ZNF695: variants seen among roughly 807,000 people sequenced by gnomAD.
ZNF695 encodes the protein zinc finger protein 695.
Under a neutral mutation model 11.2 loss-of-function variants are expected in ZNF695, and 11 were observed. That is an observed-to-expected ratio of 0.98 (90% confidence interval 0.62 to 1.62). ZNF695 has a LOEUF of 1.62. Ranked by LOEUF, ZNF695 falls within the 40% of genes most tolerant of loss-of-function variation. The pLI is 0.00. For missense variants in ZNF695, 559 were observed against 590.5 expected, an observed-to-expected ratio of 0.95 and a Z score of 0.55; for synonymous variants, 190 against 201.4, an observed-to-expected ratio of 0.94 and a Z score of 0.48.
intron 5 of ZNF695, among the ~76,000 whole-genome samples, chr1:246,955,616 A>C (rs1224825672): frequency 6.6e-6 from 1 of 152,208 alleles, no homozygotes; most frequent in African/African-American, 2.4e-5. Context: ...AATTAATTTT[A>C]ATCTAAATCC....
chr1:246,970,611 T>C (rs1417901053), intron 4 of ZNF695, among the ~76,000 whole-genome samples: 2 of 152,210 alleles, frequency 1.3e-5, no homozygotes, highest in Non-Finnish European at 2.9e-5. Flanking sequence ...GAACAATTAA[T>C]TGACGGGAAT....
At chr1:246,972,703 A>G (rs1668457238) in intron 4 of ZNF695, among the ~76,000 whole-genome samples, 1 of 151,954 alleles carries the variant, frequency 6.6e-6, no homozygotes, top group African/African-American at 2.4e-5. Flanking sequence ...TATTTTTAGT[A>G]GAGACAGGGT....
At position 246,988,178 on chromosome 1, in the gene ZNF695, T is replaced by C; in HGVS notation, c.337A>G (p.Arg113Gly). The change falls in exon 4 of 4, where the codon AGA (arginine) becomes GGA (glycine). Residue 113 changes from arginine to glycine, a missense_variant. Transcript: ENST00000339986. ...TTCTCAAGACAACATCTTTCATATC[T>C]TCTCAGCATCACTTTTTGGAATGAA... ...QVSFQKVMLR[R>G]YERCCLEKLR... 1 of 1,610,188 alleles carries C rather than the reference T, an allele frequency of 6.2e-7. No individual in the cohort carries two copies. Among genetic ancestry groups the C allele is most frequent in the Non-Finnish European group, 8.5e-7 (1 of 1,178,784 alleles).
intron 5 of ZNF695, among the ~76,000 whole-genome samples, chr1:246,959,310 A>AAATATATAT (rs1558304450): frequency 2.0e-5 from 1 of 51,254 alleles, no homozygotes; most frequent in Non-Finnish European, 3.2e-5. Flanking sequence ...AAAAAAAAAA[A>AAATATATAT]ATATATATAT....
At chr1:246,950,615 C>A (rs1326388454) in intron 5 of ZNF695, among the ~76,000 whole-genome samples, 1 of 135,564 alleles carries the variant, frequency 7.4e-6, no homozygotes, top group African/African-American at 2.8e-5. Context: ...TTCGTCACTG[C>A]ACTCCAGCCA....
Position 246,986,058 on chromosome 1 carries a change from C to T in ZNF695, c.*909G>A. The T allele has an allele frequency of 1.0e-6, 1 of 979,642 alleles. No homozygotes were observed. Among genetic ancestry groups the T allele is most frequent in the Non-Finnish European group, 1.2e-6 (1 of 824,720 alleles). The allele number at this position is 979,642 out of a possible 1,614,324, so 60.7% of individuals were successfully genotyped here. On this transcript the variant is annotated 3_prime_UTR_variant, in exon 4 of 4. Coordinates refer to ENST00000339986, the MANE Select transcript of ZNF695 (RefSeq NM_020394.5). ...AAACTCTTTCAGTGCACCGAGTATA[C>T]TTTATTATTATGTTGTTATTATTAT...
intron 4 of ZNF695, among the ~76,000 whole-genome samples, chr1:246,978,841 C>T (rs1668632310): frequency 9.7e-6 from 1 of 102,646 alleles, no homozygotes; most frequent in East Asian, 2.4e-3. Flanking sequence ...TCCAAAGCTG[C>T]TTGTCGGGGA....
At chr1:246,956,051 T>C (rs1002836250) in intron 5 of ZNF695, among the ~76,000 whole-genome samples, 34 of 150,672 alleles carry the variant, frequency 2.3e-4, no homozygotes, top group African/African-American at 7.8e-4. Flanking sequence ...TACAGTGGCA[T>C]GATCTCGGCT....
At chr1:246,974,053 A>C (rs1668493503) in intron 4 of ZNF695, among the ~76,000 whole-genome samples, 1 of 152,048 alleles carries the variant, frequency 6.6e-6, no homozygotes, top group Non-Finnish European at 1.5e-5. Context: ...ATTTTTTCAT[A>C]AGCAGATGTG....
intron 3 of ZNF695, among the ~76,000 whole-genome samples, chr1:246,993,943 G>A (rs554478462): frequency 4.1e-4 from 63 of 152,272 alleles, no homozygotes; most frequent in African/African-American, 1.4e-3. Flanking sequence ...GGAGGCCAAC[G>A]TGGGCGGATC....
chr1:247,005,385 G>A (rs1669502184), intron 1 of ZNF695, among the ~76,000 whole-genome samples: 1 of 152,244 alleles, frequency 6.6e-6, no homozygotes, highest in South Asian at 2.1e-4. Context: ...ATATTCATAT[G>A]CAGAAGAATA....
intron 4 of ZNF695, among the ~76,000 whole-genome samples, chr1:246,972,175 C>T (rs192724431): frequency 6.6e-6 from 1 of 152,326 alleles, no homozygotes; most frequent in African/African-American, 2.4e-5. Context: ...CACTGACTGC[C>T]GACTGAAGGC....
chr1:246,997,034 A>T (rs1669233060), intron 3 of ZNF695, among the ~76,000 whole-genome samples: 1 of 152,190 alleles, frequency 6.6e-6, no homozygotes, highest in African/African-American at 2.4e-5. Context: ...CTTGAAGTGT[A>T]CAGAACTGAA....
At chr1:246,972,931 G>GTATA (rs57441901) in intron 4 of ZNF695, among the ~76,000 whole-genome samples, 2,986 of 145,114 alleles carry the variant, frequency 0.021, 56 homozygotes, top group African/African-American at 0.046. Flanking sequence ...TTTTTAATGT[G>GTATA]TATATATATA....
chr1:247,001,999 AT>A lies in ZNF695; in HGVS notation c.4-1926del, dbSNP rs376461400. Among the ~76,000 whole-genome samples the A allele has an allele frequency of 2.4e-3, 370 of 152,216 alleles. 2 individuals are homozygous for A. The highest frequency in any genetic ancestry group is 8.5e-3 in the African/African-American group (354 of 41,526). On this transcript the variant is annotated intron_variant, in intron 1 of 3. Transcript: ENST00000339986. ...ACCTCAACAAACGGACGTAATACAC[AT>A]CTACAGAACACTCCATTCAACAACA...
intron 4 of ZNF695, among the ~76,000 whole-genome samples, chr1:246,972,677 G>A (rs975406336): frequency 2.6e-5 from 4 of 151,652 alleles, no homozygotes; most frequent in East Asian, 2.0e-4. Context: ...CTGCCACCAC[G>A]CCCAGCTAAT....
chr1:246,970,684 G>A (rs1668401851), intron 4 of ZNF695, among the ~76,000 whole-genome samples: 1 of 152,264 alleles, frequency 6.6e-6, no homozygotes, highest in African/African-American at 2.4e-5. Context: ...CTAACAGGCA[G>A]AGTGGAGAGC....
At chr1:246,973,075 G>A (rs911494299) in intron 4 of ZNF695, among the ~76,000 whole-genome samples, 23 of 151,204 alleles carry the variant, frequency 1.5e-4, no homozygotes, top group African/African-American at 5.1e-4. Context: ...TTGAGACGGA[G>A]TTTCACTCTT....
chr1:246,976,781 G>C lies in ZNF695; in HGVS notation c.391-8989C>G, dbSNP rs1054888288. On this transcript the variant is annotated intron_variant, in intron 4 of 5. Coordinates refer to the ZNF695 transcript ENST00000487338. The stretch of plus-strand genomic sequence containing the variant: ...TGCACTCCAGCCTGGGCGACAGAGC[G>C]AAACTCCGTCTCAAATAAATAAATA... 1.3e-3 allele frequency among the ~76,000 whole-genome samples: 203 copies of C among 151,604 alleles called. 1 individual carries two copies. The highest frequency in any genetic ancestry group is 1.1e-3 in the Admixed American group (16 of 15,234).
Sources: gnomAD v4.1 joint callset for allele counts (sites outside exome capture counted in the v4.1 genomes callset) on GRCh38, gnomAD v4.1.1 for gene constraint, MANE v1.5 for transcripts, NCBI Gene and HGNC (gene_info 2026-07-23, HGNC 2026-07-21) for gene names.